DENND5A: variants seen among roughly 807,000 people sequenced by gnomAD.
The protein encoded by DENND5A is DENN domain containing 5A.
Under a neutral mutation model 140.3 loss-of-function variants are expected in DENND5A, and 64 were observed. That is an observed-to-expected ratio of 0.46 (90% CI 0.37 to 0.56). DENND5A has a LOEUF of 0.56. DENND5A is among the 20% of genes least tolerant of loss of function. The pLI is 0.00. For synonymous variants in DENND5A, 605 were observed against 607.7 expected, an observed-to-expected ratio of 1.00 and a Z score of 0.07; for missense variants, 1,292 against 1,593.8, an observed-to-expected ratio of 0.81 and a Z score of 3.22.
Position 9,152,515 on chromosome 11 carries a change from A to C in DENND5A, c.2437-73T>G, listed in dbSNP as rs141717267. The stretch of plus-strand genomic sequence containing the variant: ...GTCAAGGCTTTCAACATACAGATAG[A>C]AGCTTTTGCTAAAAAAATATATGTA... On this transcript the variant is annotated intron_variant, in intron 12 of 22. Transcript: ENST00000328194. The C allele has an allele frequency of 6.9e-4, 715 of 1,030,624 alleles. 3 individuals are homozygous for C. In the African/African-American group the frequency reaches 0.01, roughly 14 times the overall value. 63.8% of individuals were successfully genotyped at this position (1,030,624 alleles called of 1,614,324 possible).
Position 9,265,089 on chromosome 11 carries a change from G to C in DENND5A, c.-20C>G, listed in dbSNP as rs1425928660. On this transcript the variant is annotated 5_prime_UTR_variant, in exon 1 of 23. Transcript: ENST00000328194. The surrounding 1 kb of genome is among the most constrained non-coding windows in gnomAD (Gnocchi z 4.7). ...ACTCATGGCGCCGGGGCCGAGACCG[G>C]CCGGGCAGTGCGGAGCGGCACCGAG... 3.5e-5 allele frequency: 52 copies of C among 1,471,430 alleles called. No homozygotes were observed. Among genetic ancestry groups the C allele is most frequent in the Non-Finnish European group, 4.4e-5 (49 of 1,108,446 alleles). The allele number at this position is 1,471,430 out of a possible 1,614,324, so 91.1% of individuals were successfully genotyped here.
At chr11:9,143,346 A>G in intron 20 of DENND5A, 57 bp downstream of exon 20, 2 of 1,491,556 alleles carry the variant, frequency 1.3e-6, no homozygotes, top group Admixed American at 1.7e-5. Flanking sequence ...TCGGAAAAAC[A>G]AAATTATTCT....
rs1590208946 is a variant in DENND5A, at chr11:9,150,073, A to C, written c.2735+8T>G. 7 of 1,606,570 alleles carry C rather than the reference A, an allele frequency of 4.4e-6. No individual in the cohort carries two copies. ...AGCCTGCTTCTACTCCTGGCGGAGC[A>C]GCCTTACTTGGTGAGCTCATGGTCT... On this transcript the variant is annotated splice_region_variant and intron_variant, in intron 15 of 22. Transcript: ENST00000328194.
intron 1 of DENND5A, among the ~76,000 whole-genome samples, chr11:9,234,734 G>A (rs768113168): frequency 3.3e-5 from 5 of 152,186 alleles, no homozygotes; most frequent in East Asian, 1.9e-4. Context: ...CCTTAAGGAC[G>A]TGCTCCTGCT....
chr11:9,251,378 C>G (rs1851713494), intron 1 of DENND5A, among the ~76,000 whole-genome samples: 1 of 152,126 alleles, frequency 6.6e-6, no homozygotes. Flanking sequence ...AAATTACTAA[C>G]CTGGTTCTCT....
chr11:9,180,921 T>C lies in DENND5A; in HGVS notation c.1301A>G (p.Lys434Arg). Reference sequence around the variant, plus strand: ...CTCAGAGGCCCGCAGCCTCTTCAGCTTGGAGGCACTCTCACTGCAATGAAG... The same window carrying C: ...CTCAGAGGCCCGCAGCCTCTTCAGCCTGGAGGCACTCTCACTGCAATGAAG... ...GNLHCSESASKLKRLRASELV... is the reference protein window; with the variant it reads ...GNLHCSESASRLKRLRASELV... Residue 434 changes from lysine to arginine, a missense_variant, in exon 6 of 23, where the codon AAG becomes AGG. Lys to Arg is a conservative substitution (Grantham distance 26, BLOSUM62 2). This residue lies in a region of DENND5A where 566 missense variants were observed against 650.4 expected (regional missense o/e 0.87). Coordinates refer to ENST00000328194, the MANE Select transcript of DENND5A (RefSeq NM_015213.4). 2 of 1,614,194 alleles carry C rather than the reference T, an allele frequency of 1.2e-6. No homozygotes were observed.
chr11:9,208,072 A>G (rs1849752433), intron 1 of DENND5A, among the ~76,000 whole-genome samples: 1 of 152,220 alleles, frequency 6.6e-6, no homozygotes, highest in Non-Finnish European at 1.5e-5. Context: ...AACAAATCTC[A>G]GGTGTCGGGG....
chr11:9,178,768 T>C (rs767058926), intron 7 of DENND5A, 90 bp downstream of exon 7: 250 of 1,103,958 alleles, frequency 2.3e-4, no homozygotes, highest in Non-Finnish European at 3.1e-4. Flanking sequence ...TAATCTTCCA[T>C]TACTTCTTCG....
chr11:9,187,796 G>A (rs1324425325), intron 5 of DENND5A, among the ~76,000 whole-genome samples: 1 of 152,200 alleles, frequency 6.6e-6, no homozygotes, highest in Non-Finnish European at 1.5e-5. Context: ...CACAAAGGCA[G>A]CTCAGTACCT....
chr11:9,233,812 A>G lies in DENND5A; in HGVS notation c.110-26180T>C, dbSNP rs967723964. On this transcript the variant is annotated intron_variant, in intron 1 of 22. Transcript: ENST00000328194. Reference sequence around the variant, plus strand: ...CCCTGATTTTGGATTTCTGTCCTCCAAAACTGTGAGAAAATAAATTATTGT... The same window carrying G: ...CCCTGATTTTGGATTTCTGTCCTCCGAAACTGTGAGAAAATAAATTATTGT... 4.6e-5 allele frequency among the ~76,000 whole-genome samples: 7 copies of G among 152,170 alleles called. No homozygotes were observed. The East Asian group carries it at 1.3e-3, about 29-fold the overall frequency.
In DENND5A at chr11:9,204,174, C is replaced by T. The variant is rs1229904553; in HGVS notation, c.435G>A (p.Gln145=). 1.2e-6 allele frequency: 2 copies of T among 1,614,040 alleles called. No homozygotes were observed. The highest frequency in any genetic ancestry group is 2.7e-5 in the African/African-American group (2 of 74,918). Residue 145 remains glutamine (Q), a synonymous_variant, in exon 4 of 23, where the codon CAG becomes CAA. Coordinates refer to ENST00000328194, the MANE Select transcript of DENND5A (RefSeq NM_015213.4). ...LTFYEEVTSK[Q]ICSAMQTLYH... ...AGAGGGTCTGCATTGCACTGCAGAT[C>T]TGCTTGCTAGTCACCTCTTCATAAA...
chr11:9,242,534 G>A (rs1167049624), intron 1 of DENND5A: 1 of 152,156 alleles, frequency 6.6e-6, no homozygotes, highest in Non-Finnish European at 1.5e-5. Flanking sequence ...GAAGACTTTA[G>A]AGACAGGGAG....
rs201581257 is a variant in DENND5A at position 9,160,879 on chromosome 11, G to A, written c.2284-14C>T. 2.5e-5 allele frequency: 41 copies of A among 1,613,044 alleles called. No homozygotes were observed. The highest frequency in any genetic ancestry group is 3.4e-5 in the Non-Finnish European group (40 of 1,179,308). Reference sequence around the variant, plus strand: ...CATCCTCTTGGTCTACAAGGAAGCAGTCAACAGGATTAAATAACCACAGTG... The same window carrying A: ...CATCCTCTTGGTCTACAAGGAAGCAATCAACAGGATTAAATAACCACAGTG... On this transcript the variant is annotated splice_polypyrimidine_tract_variant and intron_variant, in intron 11 of 22. Coordinates refer to ENST00000328194, the MANE Select transcript of DENND5A (RefSeq NM_015213.4).
At position 9,165,820 on chromosome 11, in the gene DENND5A, G is replaced by C; in HGVS notation, c.2283+16C>G. The C allele has an allele frequency of 6.2e-7, 1 of 1,613,690 alleles. No homozygotes were observed. Among genetic ancestry groups the C allele is most frequent in the Non-Finnish European group, 8.5e-7 (1 of 1,179,700 alleles). On this transcript the variant is annotated intron_variant, in intron 11 of 22. Coordinates refer to ENST00000328194, the MANE Select transcript of DENND5A (RefSeq NM_015213.4). ...CTAACAGAAATAGCACACATACAGA[G>C]ATGTCCACAGCTTACCTTATTGCGG... is the stretch of plus-strand genomic sequence containing the variant.
At chr11:9,250,861 C>A (rs1851687284) in intron 1 of DENND5A, among the ~76,000 whole-genome samples, 1 of 152,096 alleles carries the variant, frequency 6.6e-6, no homozygotes. Context: ...CGGCCGGGTG[C>A]GGTGGCTCAC....
Position 9,150,144 on chromosome 11 carries a change from G to A in DENND5A, c.2672C>T (p.Ser891Phe). ...VGKARAWVRL[S>F]MEKKLLSRHL... ...TCTGGAAAGTAACTTTTTTTCCATG[G>A]ACAGTCGCACCCATGCTCTGGCCTT... The change falls in exon 15 of 23, where the codon TCC becomes TTC. Residue 891 changes from serine to phenylalanine, a missense_variant. By Grantham distance (155) the Ser-to-Phe change is radical. Around this residue, in one of 4 missense-constraint regions of DENND5A, gnomAD observed 498 missense variants for 689.7 expected, o/e 0.72. Coordinates refer to ENST00000328194, the MANE Select transcript of DENND5A (RefSeq NM_015213.4). The A allele has an allele frequency of 6.2e-7, 1 of 1,613,898 alleles. No homozygotes were observed. Among genetic ancestry groups the A allele is most frequent in the Non-Finnish European group, 8.5e-7 (1 of 1,179,892 alleles).
chr11:9,148,577 C>T (rs1018157490), intron 15 of DENND5A, among the ~76,000 whole-genome samples: 3 of 152,108 alleles, frequency 2.0e-5, no homozygotes. Flanking sequence ...GGTGAAGAAC[C>T]TGAAACCTGT....
chr11:9,204,462 A>G lies in DENND5A; in HGVS notation c.292-145T>C, dbSNP rs890503445. 1.5e-5 allele frequency: 11 copies of G among 727,652 alleles called. 1 individual carries two copies. The South Asian group carries it at 2.1e-4, about 14-fold the overall frequency. 45.1% of individuals were successfully genotyped at this position (727,652 alleles called of 1,614,324 possible). A position where few individuals can be genotyped will look rare whatever the true frequency, so the allele number is the denominator to read the frequency against. ...AAGCTCTCTCTTTCTAATGCAAGAC[A>G]TGCAAGTAAATAAAATCATAATGCA... On this transcript the variant is annotated intron_variant, in intron 3 of 22. Coordinates refer to ENST00000328194, the MANE Select transcript of DENND5A (RefSeq NM_015213.4).
At chr11:9,154,190 C>T (rs557081315) in intron 12 of DENND5A, among the ~76,000 whole-genome samples, 1 of 152,132 alleles carries the variant, frequency 6.6e-6, no homozygotes, top group South Asian at 2.1e-4. Context: ...TTAATTAATG[C>T]TCCCAACAGT....
Sources: allele counts gnomAD v4.1 joint callset (sites outside exome capture counted in the v4.1 genomes callset), GRCh38; gene constraint gnomAD v4.1.1; regional missense constraint gnomAD v4.1.1; non-coding constraint Gnocchi (gnomAD v3.1); transcripts MANE v1.5; gene names NCBI Gene and HGNC (gene_info 2026-07-23, HGNC 2026-07-21).